The following EIF4G1 variants were observed in gnomAD, a reference collection of about 807,000 sequenced individuals.
EIF4G1 encodes eukaryotic translation initiation factor 4 gamma 1, also known as EIF4-gamma.
EIF4G1 carries 4 observed loss-of-function variants against 187.8 expected under a neutral mutation model. The ratio of observed to expected loss-of-function variants is 0.02; its 90% CI spans 0.01 to 0.05. EIF4G1 has a LOEUF of 0.05. Among genes scored for constraint, EIF4G1 ranks in the 10% least tolerant of loss-of-function variants. The pLI is 1.00. For synonymous variants in EIF4G1, 844 were observed against 781.4 expected (o/e 1.08, Z -1.34); for missense variants, 1,647 against 2,081.1 (o/e 0.79, Z 4.06).
intron 23 of EIF4G1, 114 bp from the exon 24 acceptor site, chr3:184,327,102 T>C (rs939403095): frequency 3.3e-5 from 51 of 1,564,388 alleles, no homozygotes; most frequent in Non-Finnish European, 4.3e-5. Flanking sequence ...TGGGTTAGAT[T>C]GGGGCATACT....
intron 1 of EIF4G1, 172 bp from the exon 2 acceptor site, chr3:184,315,317 C>T: frequency 2.0e-6 from 1 of 499,192 alleles, no homozygotes; most frequent in Non-Finnish European, 4.0e-6. Flanking sequence ...CTGTGTGCCC[C>T]TGGGCCAGGC....
At chr3:184,322,792 A>G (rs1233948940) in intron 12 of EIF4G1, 29 bp from the exon 13 acceptor site, 3 of 1,614,222 alleles carry the variant, frequency 1.9e-6, no homozygotes, top group Non-Finnish European at 2.5e-6. Flanking sequence ...AGGAGGCAGT[A>G]TGATTGCTTC....
In EIF4G1 at chr3:184,334,742, T is replaced by A; in HGVS notation, c.4634T>A (p.Phe1545Tyr). Residue 1545 changes from phenylalanine to tyrosine, a missense_variant, in exon 33 of 33, where the codon TTC becomes TAC. By Grantham distance (22) the Phe-to-Tyr change is conservative. Around this residue, in one of 11 missense-constraint regions of EIF4G1, gnomAD observed 543 missense variants for 638.0 expected, o/e 0.85. Coordinates refer to ENST00000346169, the MANE Select transcript of EIF4G1 (RefSeq NM_198241.3). The surrounding 1 kb of genome is among the most constrained non-coding windows in gnomAD (Gnocchi z 5.8). ...CTGCTTGCAGACCTGCTGCGGATGT[T>A]CTTTGACGCACTGTATGACGAGGAC... ...LEQPPNLLRMFFDALYDEDVV... is the reference protein window; with the variant it reads ...LEQPPNLLRMYFDALYDEDVV... 6.2e-7 allele frequency: 1 copy of A among 1,614,148 alleles called. No individual in the cohort carries two copies. The highest frequency in any genetic ancestry group is 8.5e-7 in the Non-Finnish European group (1 of 1,180,014).
intron 6 of EIF4G1, chr3:184,319,193 C>T (rs1723336262): frequency 1.3e-5 from 2 of 154,646 alleles, no homozygotes; most frequent in African/African-American, 4.8e-5. Flanking sequence ...TTTCTTTGCC[C>T]CTTTGTAAAG....
intron 28 of EIF4G1, 165 bp downstream of exon 28, chr3:184,329,155 C>T (rs1214981572): frequency 1.3e-6 from 1 of 780,228 alleles, no homozygotes; most frequent in Non-Finnish European, 2.1e-6. Flanking sequence ...CTCCCGCACA[C>T]CAGTTCCTAT....
At chr3:184,321,185 G>T in intron 9 of EIF4G1, 97 bp from the exon 10 acceptor site, 1 of 1,549,344 alleles carries the variant, frequency 6.5e-7, no homozygotes, top group East Asian at 2.2e-5. Flanking sequence ...ATGATGCGGG[G>T]TTATTAAGTT....
At chr3:184,319,893 T>G in intron 7 of EIF4G1, 92 bp downstream of exon 7, 1 of 957,500 alleles carries the variant, frequency 1.0e-6, no homozygotes. Context: ...AGCAGTGACT[T>G]GAGGAGGAAG....
Position 184,316,156 on chromosome 3 carries a change from G to T in EIF4G1, c.85G>T (p.Ala29Ser). 6.2e-7 allele frequency: 1 copy of T among 1,614,166 alleles called. No homozygotes were observed. ...PQPAFPPGQT[A>S]PVVFSTPQAT... Reference sequence around the variant, plus strand: ...GCCAGCGTTTCCCCCGGGGCAGACAGCGCCGGTGGTGTTCAGTACGCCACA... The same window carrying T: ...GCCAGCGTTTCCCCCGGGGCAGACATCGCCGGTGGTGTTCAGTACGCCACA... The change falls in exon 4 of 33, where the codon GCG becomes TCG. Residue 29 changes from alanine to serine, a missense_variant. Physicochemically the swap from Ala to Ser is moderately conservative, Grantham distance 99. Transcript: ENST00000346169.
rs751220176 is a variant in EIF4G1, at chr3:184,315,707, C to A, written c.-34-56C>A. ...CCTTGCATCAACCCTTTCACCGCCC[C>A]ATTTGCCTTAAGCTTGGGTCCCTTC... On this transcript the variant is annotated intron_variant, in intron 2 of 32. Coordinates refer to ENST00000346169, the MANE Select transcript of EIF4G1 (RefSeq NM_198241.3). 6 of 1,333,810 alleles carry A rather than the reference C, an allele frequency of 4.5e-6. No homozygotes were observed. The African/African-American group carries it at 5.8e-5, about 13-fold the overall frequency. 82.6% of individuals were successfully genotyped at this position (1,333,810 alleles called of 1,614,324 possible). A position where few individuals can be genotyped will look rare whatever the true frequency, so the allele number is the denominator to read the frequency against.
chr3:184,325,145 G>A lies in EIF4G1; in HGVS notation c.2856+31G>A. ...GGTCCTTGCATCTGGAGGGGGATGG[G>A]CTGAAGCATATGTGGGGCTCACTGA... On this transcript the variant is annotated intron_variant, in intron 18 of 32. Coordinates refer to ENST00000346169, the MANE Select transcript of EIF4G1 (RefSeq NM_198241.3). The surrounding 1 kb of genome is among the most constrained non-coding windows in gnomAD (Gnocchi z 5.2). 6.2e-7 allele frequency: 1 copy of A among 1,610,912 alleles called. No homozygotes were observed. Among genetic ancestry groups the A allele is most frequent in the South Asian group, 1.1e-5 (1 of 91,008 alleles).
intron 28 of EIF4G1, among the ~76,000 whole-genome samples, chr3:184,330,827 C>T (rs1487765456): frequency 3.3e-5 from 5 of 152,138 alleles, no homozygotes; most frequent in East Asian, 3.9e-4. Flanking sequence ...TTGCAACCCT[C>T]GCCTTGGGTT....
intron 6 of EIF4G1, chr3:184,319,050 GGCAATA>G (rs1375099686): frequency 6.6e-6 from 1 of 151,716 alleles, no homozygotes; most frequent in Non-Finnish European, 1.5e-5. Context: ...TTCCAGCCTG[GGCAATA>G]GAGTGAGACT....
At chr3:184,329,580 A>G (rs1292884068) in intron 28 of EIF4G1, among the ~76,000 whole-genome samples, 1 of 152,192 alleles carries the variant, frequency 6.6e-6, no homozygotes, top group Non-Finnish European at 1.5e-5. Flanking sequence ...GTGAGCCGAG[A>G]TTGTGCCACT....
Position 184,323,782 on chromosome 3 carries a change from C to T in EIF4G1, c.2277C>T (p.Asp759=). 5 of 1,613,784 alleles carry T rather than the reference C, an allele frequency of 3.1e-6. No homozygotes were observed. The highest frequency in any genetic ancestry group is 2.7e-5 in the African/African-American group (2 of 75,062). Residue 759 remains aspartate, a splice_region_variant and synonymous_variant, in exon 16 of 33, where the codon GAC becomes GAT. Coordinates refer to ENST00000346169, the MANE Select transcript of EIF4G1 (RefSeq NM_198241.3). The surrounding 1 kb of genome is among the most constrained non-coding windows in gnomAD (Gnocchi z 6.9). ...EEDADGSKTQ[D]LFRRVRSILN... ...ACTCTTGTCTCTTCTCCCTCCAGGA[C>T]CTATTCCGCAGGGTGCGCTCCATCC...
chr3:184,331,986 G>C lies in EIF4G1; in HGVS notation c.4518G>C (p.Ala1506=), dbSNP rs11559217. Residue 1506 remains alanine, a synonymous_variant, in exon 32 of 33, where the codon GCG becomes GCC. Coordinates refer to ENST00000346169, the MANE Select transcript of EIF4G1 (RefSeq NM_198241.3). ...GAGTGGACGTTGCAGTGCTGAAAGC[G>C]CGAGCGAAGCTGCTGCAGAAATACC... ...PLRVDVAVLK[A]RAKLLQKYLC... 5.0e-5 allele frequency: 80 copies of C among 1,614,082 alleles called. 1 individual carries two copies. The Middle Eastern group carries it at 2.3e-3, about 46-fold the overall frequency.
At position 184,334,699 on chromosome 3, in the gene EIF4G1, C is replaced by A; in HGVS notation, c.4619-28C>A. 2 of 1,613,954 alleles carry A rather than the reference C, an allele frequency of 1.2e-6. No homozygotes were observed. On this transcript the variant is annotated intron_variant, in intron 32 of 32. Transcript: ENST00000346169. This position sits in a 1 kb window ranked among gnomAD's most constrained non-coding sequence, Gnocchi z 5.8. ...GGCTGGGGTGGCGGTGGCCAGTCACCTCTAACTGCTGTCCCGCCTGCTTGC... is the reference window on the plus strand; with the variant it reads ...GGCTGGGGTGGCGGTGGCCAGTCACATCTAACTGCTGTCCCGCCTGCTTGC...
chr3:184,321,166 G>A (rs1723837567), intron 9 of EIF4G1, 116 bp from the exon 10 acceptor site: 1 of 1,506,068 alleles, frequency 6.6e-7, no homozygotes, highest in East Asian at 2.3e-5. Flanking sequence ...TAGCTTAGGT[G>A]GGGAGAAGAT....
At position 184,328,934 on chromosome 3, in the gene EIF4G1, T is replaced by C. The variant is rs755456300; in HGVS notation, c.4105T>C (p.Leu1369=). 12 of 1,614,170 alleles carry C rather than the reference T, an allele frequency of 7.4e-6. No individual in the cohort carries two copies. The Admixed American group carries it at 1.2e-4, about 16-fold the overall frequency. The part of the protein sequence containing the change: ...FREITKPLRP[L]GKAASLLLEI... ...GGAGATTACAAAGCCTCTGAGACCGTTGGGCAAAGCTGCTTCCCTGTTGCT... is the reference window on the plus strand; with the variant it reads ...GGAGATTACAAAGCCTCTGAGACCGCTGGGCAAAGCTGCTTCCCTGTTGCT... The change falls in exon 28 of 33, where the codon TTG becomes CTG. Residue 1369 remains leucine (L), a synonymous_variant. Transcript: ENST00000346169.
rs775027087 is a variant in EIF4G1, at chr3:184,327,922, C to T, written c.3873C>T (p.Ala1291=). 57 of 1,613,086 alleles carry T rather than the reference C, an allele frequency of 3.5e-5. No homozygotes were observed. The highest frequency in any genetic ancestry group is 1.5e-4 in the Admixed American group (9 of 60,006). ...HGVESTLERS[A]IAREHMGQLL... ...TCGAGTCTACGCTGGAGCGCAGTGCCATTGCTCGTGAGCATATGGGGCAGC... is the reference window on the plus strand; with the variant it reads ...TCGAGTCTACGCTGGAGCGCAGTGCTATTGCTCGTGAGCATATGGGGCAGC... Residue 1291 remains alanine (A), a synonymous_variant, in exon 26 of 33, where the codon GCC becomes GCT. Transcript: ENST00000346169.
Sources: gnomAD v4.1 joint callset for allele counts (sites outside exome capture counted in the v4.1 genomes callset) on GRCh38, gnomAD v4.1.1 for gene constraint, gnomAD v4.1.1 regional missense constraint, Gnocchi (gnomAD v3.1) non-coding constraint, MANE v1.5 for transcripts, NCBI Gene and HGNC (gene_info 2026-07-23, HGNC 2026-07-21) for gene names.